The following KRT17 variants were observed in gnomAD, a reference collection of about 807,000 sequenced individuals.
KRT17 encodes keratin 17.
KRT17 carries 29 observed loss-of-function variants against 45.6 expected under a neutral mutation model. The ratio of observed to expected loss-of-function variants is 0.64; its 90% CI spans 0.47 to 0.87. KRT17 has a LOEUF of 0.87. Ranked by LOEUF, KRT17 falls within the 40% of genes least tolerant of loss-of-function variation. The probability of loss-of-function intolerance (pLI) is 0.00; values close to 1 mark genes in which losing one functional copy is unlikely to be tolerated. For synonymous variants in KRT17, 219 were observed against 234.6 expected (o/e 0.93, Z 0.61); for missense variants, 536 against 577.8 (o/e 0.93, Z 0.74).
intron 1 of KRT17, among the ~76,000 whole-genome samples, chr17:41,623,875 T>C (rs1344226267): frequency 9.9e-5 from 15 of 152,224 alleles, no homozygotes; most frequent in Admixed American, 9.8e-4. Context: ...GGCCTCTTTG[T>C]TCCTGACTCA....
rs1368753632 is a variant in KRT17, at chr17:41,620,780, C to A, written c.1060G>T (p.Ala354Ser). 6.2e-7 allele frequency: 1 copy of A among 1,612,894 alleles called. No individual in the cohort carries two copies. Among genetic ancestry groups the A allele is most frequent in the East Asian group, 2.2e-5 (1 of 44,886 alleles). Reference protein sequence around the residue: ...GLIGSVEEQLAQLRCEMEQQN... With the variant: ...GLIGSVEEQLSQLRCEMEQQN... The stretch of plus-strand genomic sequence containing the variant: ...TGCTCCATCTCGCAGCGAAGCTGGG[C>A]CAGCTGCTCCTCCACGCTGCCAATC... Residue 354 changes from alanine to serine, a missense_variant, in exon 6 of 8, where the codon GCC becomes TCC. Ala to Ser is a moderately conservative substitution (Grantham distance 99, BLOSUM62 1). Coordinates refer to ENST00000311208, the MANE Select transcript of KRT17 (RefSeq NM_000422.3).
chr17:41,623,440 A>T (rs1908615410), intron 1 of KRT17, among the ~76,000 whole-genome samples: 1 of 152,184 alleles, frequency 6.6e-6, no homozygotes, highest in Non-Finnish European at 1.5e-5. Context: ...AGGCTAAAGG[A>T]GCCCTCATTA....
intron 1 of KRT17, 181 bp from the exon 2 acceptor site, chr17:41,623,213 T>G: frequency 1.7e-6 from 1 of 594,994 alleles, no homozygotes; most frequent in Non-Finnish European, 3.2e-6. Context: ...GTGCCTCTTC[T>G]TCCCCCGATA....
rs182165448 is a variant in KRT17, at chr17:41,622,439, C to G, written c.588G>C (p.Glu196Asp). ...DINGLRRVLD[E>D]LTLARADLEM... ...CCAGGTCGGCTCTGGCCAGGGTCAG[C>G]TCATCCAGCACCCTGCGCAGGCCAT... Residue 196 changes from glutamate (E) to aspartate (D), a missense_variant, in exon 3 of 8, where the codon GAG (glutamate) becomes GAC (aspartate). By Grantham distance (45) the Glu-to-Asp change is conservative. Transcript: ENST00000311208. The G allele has an allele frequency of 3.9e-5, 63 of 1,613,988 alleles. No individual in the cohort carries two copies. Among genetic ancestry groups the G allele is most frequent in the Non-Finnish European group, 5.0e-5 (59 of 1,180,052 alleles).
intron 7 of KRT17, 100 bp downstream of exon 7, chr17:41,620,436 C>T: frequency 6.8e-6 from 11 of 1,609,836 alleles, no homozygotes; most frequent in Non-Finnish European, 9.3e-6. Context: ...GGACAGCCAT[C>T]AACTCCTGGA....
At position 41,622,455 on chromosome 17, in the gene KRT17, C is replaced by T. The variant is rs746200279; in HGVS notation, c.572G>A (p.Arg191His). 8.1e-6 allele frequency: 13 copies of T among 1,614,070 alleles called. No homozygotes were observed. The highest frequency in any genetic ancestry group is 1.1e-5 in the Non-Finnish European group (13 of 1,180,036). The change falls in exon 3 of 8, where the codon CGC (arginine) becomes CAC (histidine). Residue 191 changes from arginine (R) to histidine (H), a missense_variant. Coordinates refer to ENST00000311208, the MANE Select transcript of KRT17 (RefSeq NM_000422.3). ...LSVEADINGL[R>H]RVLDELTLAR... is the part of the protein sequence containing the mutation. The stretch of plus-strand genomic sequence containing the variant: ...CAGGGTCAGCTCATCCAGCACCCTG[C>T]GCAGGCCATTGATGTCGGCCTCCAC...
At chr17:41,623,936 C>T (rs1908633477) in intron 1 of KRT17, 142 bp downstream of exon 1, 5 of 1,228,444 alleles carry the variant, frequency 4.1e-6, no homozygotes, top group Admixed American at 1.8e-5. Context: ...GGCCCCAAGG[C>T]AGGTTCCCAG....
Position 41,621,685 on chromosome 17 carries a change from C to T in KRT17, c.742G>A (p.Asp248Asn), listed in dbSNP as rs1195277775. 12 of 1,612,150 alleles carry T rather than the reference C, an allele frequency of 7.4e-6. No individual in the cohort carries two copies. In the African/African-American group the frequency reaches 1.5e-4, roughly 20 times the overall value. Residue 248 changes from aspartate (D) to asparagine (N), a missense_variant, in exon 4 of 8, where the codon GAC becomes AAC. Physicochemically the swap from Asp to Asn is conservative, Grantham distance 23 (BLOSUM62 1). Coordinates refer to ENST00000311208, the MANE Select transcript of KRT17 (RefSeq NM_000422.3). ...NVEMDAAPGV[D>N]LSRILNEMRD... Reference sequence around the variant, plus strand: ...ATCTCGTTGAGGATGCGGCTCAGGTCCACGCCTGGGGCAGCGTCCATCTCC... The same window carrying T: ...ATCTCGTTGAGGATGCGGCTCAGGTTCACGCCTGGGGCAGCGTCCATCTCC...
At chr17:41,620,246 C>G in intron 7 of KRT17, 1 of 985,390 alleles carries the variant, frequency 1.0e-6, no homozygotes, top group South Asian at 4.7e-5. Flanking sequence ...GACCATGTTC[C>G]TATCTTCCCA....
chr17:41,619,719 T>C, intron 7 of KRT17, 31 bp from the exon 8 acceptor site: 3 of 1,611,830 alleles, frequency 1.9e-6, no homozygotes, highest in Non-Finnish European at 1.7e-6. Flanking sequence ...TTAAAGTGGG[T>C]AGGGGCCAGG....
chr17:41,619,795 T>C (rs1264375264), intron 7 of KRT17, 107 bp from the exon 8 acceptor site: 8 of 1,582,452 alleles, frequency 5.1e-6, no homozygotes, highest in Non-Finnish European at 6.9e-6. Context: ...CTCCCCCAGG[T>C]GCTGTGAGTG....
chr17:41,624,139 G>T lies in KRT17; in HGVS notation c.371C>A (p.Ala124Asp), dbSNP rs781408687. Reference protein sequence around the residue: ...VKIRDWYQRQAPGPARDYSQY... With the variant: ...VKIRDWYQRQDPGPARDYSQY... ...GCTGTAGTCACGGGCGGGCCCCGGG[G>T]CCTGCCTCTGGTACCAGTCACGGAT... Residue 124 changes from alanine (A) to aspartate (D), a missense_variant, in exon 1 of 8, where the codon GCC becomes GAC. Coordinates refer to ENST00000311208, the MANE Select transcript of KRT17 (RefSeq NM_000422.3). 9.3e-6 allele frequency: 15 copies of T among 1,611,718 alleles called. No homozygotes were observed. Among genetic ancestry groups the T allele is most frequent in the Admixed American group, 3.3e-5 (2 of 59,994 alleles).
intron 1 of KRT17, 27 bp downstream of exon 1, chr17:41,624,051 G>A (rs780044165): frequency 6.2e-6 from 10 of 1,611,812 alleles, no homozygotes; most frequent in Non-Finnish European, 8.5e-6. Context: ...ATGCCCCCCG[G>A]AGACCCCTCC....
rs757416338 is a variant in KRT17 at position 41,622,472 on chromosome 17, G to A, written c.555C>T (p.Ala185=). ...TEQALRLSVE[A]DINGLRRVLD... is the part of the protein sequence containing the mutation. Reference sequence around the variant, plus strand: ...GCACCCTGCGCAGGCCATTGATGTCGGCCTCCACACTCAGGCGCAGGGCCT... The same window carrying A: ...GCACCCTGCGCAGGCCATTGATGTCAGCCTCCACACTCAGGCGCAGGGCCT... The change falls in exon 3 of 8, where the codon GCC becomes GCT. Residue 185 remains alanine (A), a synonymous_variant. Coordinates refer to ENST00000311208, the MANE Select transcript of KRT17 (RefSeq NM_000422.3). 25 of 1,613,950 alleles carry A rather than the reference G, an allele frequency of 1.5e-5. No individual in the cohort carries two copies. Among genetic ancestry groups the A allele is most frequent in the Middle Eastern group, 1.7e-4 (1 of 5,830 alleles).
In KRT17 at chr17:41,619,485, G is replaced by A; in HGVS notation, c.*109C>T. 1 of 1,590,244 alleles carries A rather than the reference G, an allele frequency of 6.3e-7. No individual in the cohort carries two copies. Among genetic ancestry groups the A allele is most frequent in the Admixed American group, 1.7e-5 (1 of 59,320 alleles). On this transcript the variant is annotated 3_prime_UTR_variant, in exon 8 of 8. Coordinates refer to ENST00000311208, the MANE Select transcript of KRT17 (RefSeq NM_000422.3). ...TTATTGTCATCAGGCAAGGAAGCAT[G>A]GGGAAGGGACTGAAGCAGGGGGCTG...
In KRT17 at chr17:41,622,505, C is replaced by T; in HGVS notation, c.522G>A (p.Glu174=). 7.4e-6 allele frequency: 12 copies of T among 1,613,294 alleles called. No individual in the cohort carries two copies. The highest frequency in any genetic ancestry group is 1.0e-5 in the Non-Finnish European group (12 of 1,180,044). The change falls in exon 3 of 8, where the codon GAG becomes GAA. Residue 174 remains glutamate (E), a synonymous_variant. Coordinates refer to ENST00000311208, the MANE Select transcript of KRT17 (RefSeq NM_000422.3). ...LAADDFRTKF[E]TEQALRLSVE... ...CACTCAGGCGCAGGGCCTGCTCTGT[C>T]TCAAACCTGCCGTGGGAATCAGAGA...
Position 41,624,442 on chromosome 17 carries a change from C to T in KRT17, c.68G>A (p.Gly23Asp). ...CAGCCGGCAGGAGGTGCGGGACGAGCCGCCCCCCAGGCCGGAGGAGCCCTT... is the reference window on the plus strand; with the variant it reads ...CAGCCGGCAGGAGGTGCGGGACGAGTCGCCCCCCAGGCCGGAGGAGCCCTT... The part of the protein sequence containing the change: ...SIKGSSGLGG[G>D]SSRTSCRLSG... Residue 23 changes from glycine to aspartate, a missense_variant, in exon 1 of 8, where the codon GGC becomes GAC. Coordinates refer to ENST00000311208, the MANE Select transcript of KRT17 (RefSeq NM_000422.3). 6.2e-7 allele frequency: 1 copy of T among 1,610,216 alleles called. No individual in the cohort carries two copies. Among genetic ancestry groups the T allele is most frequent in the Non-Finnish European group, 8.5e-7 (1 of 1,179,376 alleles).
chr17:41,621,605 C>A lies in KRT17; in HGVS notation c.822G>T (p.Trp274Cys), dbSNP rs1908544336. The change falls in exon 4 of 8, where the codon TGG becomes TGT. Residue 274 changes from tryptophan (W) to cysteine (C), a missense_variant. Physicochemically the swap from Trp to Cys is radical, Grantham distance 215. Coordinates refer to ENST00000311208, the MANE Select transcript of KRT17 (RefSeq NM_000422.3). ...AEKNRKDAED[W>C]FFSKTEELNR... ...CAGCACCCCCCACCTTGCTGAAGAACCAATCCTCGGCATCCTTGCGGTTCT... is the reference window on the plus strand; with the variant it reads ...CAGCACCCCCCACCTTGCTGAAGAAACAATCCTCGGCATCCTTGCGGTTCT... 2 of 1,612,092 alleles carry A rather than the reference C, an allele frequency of 1.2e-6. No individual in the cohort carries two copies. The highest frequency in any genetic ancestry group is 1.7e-6 in the Non-Finnish European group (2 of 1,179,862).
intron 1 of KRT17, among the ~76,000 whole-genome samples, chr17:41,623,520 G>A (rs968503148): frequency 1.3e-5 from 2 of 152,194 alleles, no homozygotes; most frequent in Middle Eastern, 3.4e-3. Context: ...CAGCAGCCCC[G>A]CCCCCTGGGG....
Sources: allele counts gnomAD v4.1 joint callset (sites outside exome capture counted in the v4.1 genomes callset), GRCh38; gene constraint gnomAD v4.1.1; transcripts MANE v1.5; gene names NCBI Gene and HGNC (gene_info 2026-07-23, HGNC 2026-07-21).